The following RCAN1 variants were observed in gnomAD, a reference collection of about 807,000 sequenced individuals.
The protein encoded by RCAN1 is calcipressin-1.
A neutral mutation model predicts 22.9 loss-of-function variants in RCAN1; 11 were observed. That is an observed-to-expected ratio of 0.48 (90% CI 0.30 to 0.79). The LOEUF (loss-of-function observed/expected upper bound fraction) is 0.79. RCAN1 is among the 30% of genes least tolerant of loss of function. The probability of loss-of-function intolerance (pLI) is 0.06; values close to 1 mark genes in which losing one functional copy is unlikely to be tolerated. For missense variants in RCAN1, 291 were observed against 337.8 expected, an observed-to-expected ratio of 0.86 and a Z score of 1.09; for synonymous variants, 136 against 142.3, an observed-to-expected ratio of 0.96 and a Z score of 0.32.
chr21:34,540,248 T>A (rs533544612), intron 1 of RCAN1, among the ~76,000 whole-genome samples: 1 of 152,328 alleles, frequency 6.6e-6, no homozygotes, highest in Admixed American at 6.5e-5. Context: ...TCAGTCTGCA[T>A]CTCAAAGGAA....
At chr21:34,595,672 A>T (rs1048567839) in intron 1 of RCAN1, among the ~76,000 whole-genome samples, 1 of 152,188 alleles carries the variant, frequency 6.6e-6, no homozygotes, top group Non-Finnish European at 1.5e-5. Context: ...CCACCTGAGG[A>T]GCTGACTTCT....
At chr21:34,544,170 G>C (rs1986037954) in intron 1 of RCAN1, among the ~76,000 whole-genome samples, 1 of 152,218 alleles carries the variant, frequency 6.6e-6, no homozygotes, top group African/African-American at 2.4e-5. Flanking sequence ...ATGGCCCCCT[G>C]GTGGACAAGC....
chr21:34,547,515 T>C (rs1986195895), intron 1 of RCAN1, among the ~76,000 whole-genome samples: 1 of 152,222 alleles, frequency 6.6e-6, no homozygotes, highest in African/African-American at 2.4e-5. Flanking sequence ...GTTGAAGTCC[T>C]AACACCCAGT....
intron 1 of RCAN1, among the ~76,000 whole-genome samples, chr21:34,594,731 G>C (rs1263025924): frequency 6.6e-6 from 1 of 152,206 alleles, no homozygotes; most frequent in Non-Finnish European, 1.5e-5. Context: ...GCAGAGATCA[G>C]TGTTAGGAGT....
chr21:34,558,282 C>T (rs1056088388), intron 1 of RCAN1, among the ~76,000 whole-genome samples: 1 of 152,164 alleles, frequency 6.6e-6, no homozygotes, highest in East Asian at 1.9e-4. Context: ...CCTGCACCAA[C>T]ACTCTGACAA....
chr21:34,535,468 G>T (rs927528426), intron 1 of RCAN1, among the ~76,000 whole-genome samples: 1 of 151,230 alleles, frequency 6.6e-6, no homozygotes, highest in Non-Finnish European at 1.5e-5. Flanking sequence ...GGGAGGTGCT[G>T]GTTCTGCAAC....
intron 1 of RCAN1, among the ~76,000 whole-genome samples, chr21:34,548,272 C>A (rs184105014): frequency 6.6e-6 from 1 of 151,166 alleles, no homozygotes; most frequent in Non-Finnish European, 1.5e-5. Context: ...TTTAGCCAAT[C>A]AATGTAATTT....
Position 34,518,538 on chromosome 21 carries a change from G to A in RCAN1, c.587-282C>T, listed in dbSNP as rs1240283318. Among the ~76,000 whole-genome samples the A allele has an allele frequency of 6.6e-6, 1 of 152,240 alleles. No homozygotes were observed. Among genetic ancestry groups the A allele is most frequent in the Admixed American group, 6.5e-5 (1 of 15,282 alleles). ...GCATTTTTCTAGTTATACTTCACAT[G>A]TCCACCAGATATCTAAACTACCCAG... is the stretch of plus-strand genomic sequence containing the variant. On this transcript the variant is annotated intron_variant, in intron 3 of 3. Coordinates refer to ENST00000313806, the MANE Select transcript of RCAN1 (RefSeq NM_004414.7). The surrounding 1 kb of genome is among the most constrained non-coding windows in gnomAD (Gnocchi z 4.2).
chr21:34,611,701 C>A (rs1324073035), intron 1 of RCAN1, among the ~76,000 whole-genome samples: 2 of 152,138 alleles, frequency 1.3e-5, no homozygotes, highest in Admixed American at 6.5e-5. Flanking sequence ...ATACCACCAA[C>A]CTAAAGTAGA....
chr21:34,519,402 T>TTC (rs1984318816), intron 3 of RCAN1, among the ~76,000 whole-genome samples: 2 of 142,032 alleles, frequency 1.4e-5, no homozygotes, highest in South Asian at 2.3e-4. Flanking sequence ...TCTTTCTTTT[T>TTC]TTTTTTTTTT....
chr21:34,608,617 G>A (rs770590337), intron 1 of RCAN1, among the ~76,000 whole-genome samples: 4 of 152,204 alleles, frequency 2.6e-5, no homozygotes, highest in Non-Finnish European at 5.9e-5. Context: ...GAGAGACTCT[G>A]AGGCAGGGGC....
intron 1 of RCAN1, among the ~76,000 whole-genome samples, chr21:34,556,081 TAAA>T (rs1986556256): frequency 1.6e-5 from 1 of 63,510 alleles, no homozygotes; most frequent in South Asian, 5.7e-4. Context: ...AATAAATAAA[TAAA>T]TAAATAAATA....
chr21:34,608,621 C>G (rs1289280526), intron 1 of RCAN1, among the ~76,000 whole-genome samples: 2 of 152,194 alleles, frequency 1.3e-5, no homozygotes, highest in Non-Finnish European at 2.9e-5. Context: ...GACTCTGAGG[C>G]AGGGGCACCA....
intron 1 of RCAN1, chr21:34,526,773 C>T (rs750640224): frequency 7.5e-6 from 12 of 1,604,664 alleles, no homozygotes; most frequent in Non-Finnish European, 1.0e-5. Flanking sequence ...AGTGAAAGCG[C>T]TACAGACCCA....
intron 1 of RCAN1, among the ~76,000 whole-genome samples, chr21:34,609,415 C>T (rs1289805725): frequency 6.6e-6 from 1 of 152,108 alleles, no homozygotes; most frequent in African/African-American, 2.4e-5. Flanking sequence ...ACCCATCCCA[C>T]ACATGCTGAT....
chr21:34,586,388 TA>T (rs11347653), intron 1 of RCAN1, among the ~76,000 whole-genome samples: 62,270 of 149,732 alleles, frequency 0.42, 13,091 homozygotes, highest in East Asian at 0.53. Context: ...TCAATAACAT[TA>T]AAAAAAAAAC....
chr21:34,563,754 CAAAAAAA>C lies in RCAN1; in HGVS notation c.253-40051_253-40045del, dbSNP rs58299654. 7.2e-3 allele frequency among the ~76,000 whole-genome samples: 319 copies of C among 44,302 alleles called. 1 individual carries two copies. Among genetic ancestry groups the C allele is most frequent in the African/African-American group, 0.027 (271 of 10,120 alleles). 29.1% of individuals were successfully genotyped at this position (44,302 alleles called of 152,430 possible). On this transcript the variant is annotated intron_variant, in intron 1 of 3. Coordinates refer to ENST00000313806, the MANE Select transcript of RCAN1 (RefSeq NM_004414.7). ...TGAAACCCATCTCTACTAAAAATAC[CAAAAAAA>C]AAAAAAAAAATATATATATATATAT...
intron 1 of RCAN1, among the ~76,000 whole-genome samples, chr21:34,554,612 G>C (rs1986487400): frequency 6.6e-6 from 1 of 152,198 alleles, no homozygotes. Context: ...AAGTAGTCTT[G>C]TCCAAATAAA....
At chr21:34,575,304 A>G (rs1326521041) in intron 1 of RCAN1, among the ~76,000 whole-genome samples, 1 of 152,188 alleles carries the variant, frequency 6.6e-6, no homozygotes, top group Non-Finnish European at 1.5e-5. Context: ...CTCATTTGCT[A>G]GTAGCAGCAT....
Sources: gnomAD v4.1 joint callset for allele counts (sites outside exome capture counted in the v4.1 genomes callset) on GRCh38, gnomAD v4.1.1 for gene constraint, Gnocchi (gnomAD v3.1) non-coding constraint, MANE v1.5 for transcripts, NCBI Gene and HGNC (gene_info 2026-07-23, HGNC 2026-07-21) for gene names.